NOS1: variants seen among roughly 807,000 people sequenced by gnomAD.
The protein encoded by NOS1 is NOS type I.
In NOS1, 51 loss-of-function variants were observed where a neutral mutation model predicts 164.5. That is an observed-to-expected ratio of 0.31 (90% CI 0.25 to 0.39). The LOEUF is 0.39. Among genes scored for constraint, NOS1 ranks in the 10% least tolerant of loss-of-function variants. The pLI is 1.00. For synonymous variants in NOS1, 719 were observed against 745.8 expected (o/e 0.96, Z 0.59); for missense variants, 1,362 against 1,885.6 (o/e 0.72, Z 5.14).
Position 117,211,764 on chromosome 12 carries a change from T to C in NOS1, c.*3545A>G. The C allele has an allele frequency of 1.0e-6, 1 of 985,382 alleles. No individual in the cohort carries two copies. The highest frequency in any genetic ancestry group is 1.2e-6 in the Non-Finnish European group (1 of 829,958). 61.0% of individuals were successfully genotyped at this position (985,382 alleles called of 1,614,324 possible). A position where few individuals can be genotyped will look rare whatever the true frequency, so the allele number is the denominator to read the frequency against. ...GTCAGTTCCAAGACGGGTGTCTCTC[T>C]CCATCAGATTATAACCTTTGGCTGG... On this transcript the variant is annotated 3_prime_UTR_variant, in exon 29 of 29. Transcript: ENST00000317775.
chr12:117,208,351 G>A lies in NOS1; in HGVS notation c.*6958C>T. 7.8e-7 allele frequency: 1 copy of A among 1,288,832 alleles called. No homozygotes were observed. The highest frequency in any genetic ancestry group is 1.0e-6 in the Non-Finnish European group (1 of 988,672). The allele number at this position is 1,288,832 out of a possible 1,614,324, so 79.8% of individuals were successfully genotyped here. A position where few individuals can be genotyped will look rare whatever the true frequency, so the allele number is the denominator to read the frequency against. ...ACACTTGGCAGAGATTAGCAGCATT[G>A]AGAGCTCAGAGGTAGGGGGGACGGC... is the stretch of plus-strand genomic sequence containing the variant. On this transcript the variant is annotated 3_prime_UTR_variant, in exon 29 of 29. Coordinates refer to ENST00000317775, the MANE Select transcript of NOS1 (RefSeq NM_000620.5).
chr12:117,276,465 TAG>T (rs1873191113), intron 9 of NOS1, among the ~76,000 whole-genome samples: 1 of 152,222 alleles, frequency 6.6e-6, no homozygotes, highest in African/African-American at 2.4e-5. Flanking sequence ...GTATTTTTAG[TAG>T]AGATAGGGTT....
At chr12:117,268,289 GGTGT>G in intron 10 of NOS1, 145 bp from the exon 11 acceptor site, 16 of 634,020 alleles carry the variant, frequency 2.5e-5, no homozygotes, top group Non-Finnish European at 4.2e-5. Context: ...GGAGTGCAGT[GGTGT>G]GATCTTGGCT....
intron 1 of NOS1, among the ~76,000 whole-genome samples, chr12:117,351,473 G>A (rs773764878): frequency 6.6e-6 from 1 of 152,152 alleles, no homozygotes; most frequent in Non-Finnish European, 1.5e-5. Context: ...TCCATAAGCT[G>A]CTCCTTAATT....
chr12:117,294,004 A>G (rs1375778455), intron 3 of NOS1, among the ~76,000 whole-genome samples: 3 of 152,190 alleles, frequency 2.0e-5, no homozygotes, highest in Non-Finnish European at 4.4e-5. Context: ...TGAAAGTCAC[A>G]TCTGGGCAGG....
chr12:117,217,932 T>C (rs1031640728), intron 28 of NOS1, 114 bp downstream of exon 28: 35 of 762,732 alleles, frequency 4.6e-5, no homozygotes, highest in Non-Finnish European at 7.0e-5. Context: ...TCCCAGATGG[T>C]GCTGATGCTG....
intron 3 of NOS1, among the ~76,000 whole-genome samples, chr12:117,300,913 G>C (rs1398056280): frequency 6.6e-6 from 1 of 152,148 alleles, no homozygotes; most frequent in Non-Finnish European, 1.5e-5. Flanking sequence ...CAGCCTCAAG[G>C]GAGCCGATGG....
intron 1 of NOS1, among the ~76,000 whole-genome samples, chr12:117,349,574 T>C (rs1015187238): frequency 6.6e-6 from 1 of 152,228 alleles, no homozygotes; most frequent in African/African-American, 2.4e-5. Flanking sequence ...AATTTTATAT[T>C]ACATGAATTT....
Position 117,227,438 on chromosome 12 carries a change from G to A in NOS1, c.3609C>T (p.Arg1203=). The change falls in exon 23 of 29, where the codon CGC becomes CGT. Residue 1203 remains arginine, a synonymous_variant. Transcript: ENST00000317775. ...VHLTVAIVSY[R]TRDGEGPIHH... is the part of the protein sequence containing the mutation. The stretch of plus-strand genomic sequence containing the variant: ...CCCAGTGCCTCCGCCCACCTCGAGT[G>A]CGGTAGGAAACGATGGCCACAGTGA... The A allele has an allele frequency of 1.2e-6, 2 of 1,613,888 alleles. No homozygotes were observed. The highest frequency in any genetic ancestry group is 1.7e-6 in the Non-Finnish European group (2 of 1,179,946).
chr12:117,254,938 C>T (rs1871329054), intron 16 of NOS1, among the ~76,000 whole-genome samples: 1 of 152,076 alleles, frequency 6.6e-6, no homozygotes, highest in Admixed American at 6.5e-5. Context: ...TAAATATGAA[C>T]AATGTTCAGC....
intron 7 of NOS1, 22 bp from the exon 8 acceptor site, chr12:117,280,888 AC>A: frequency 1.2e-6 from 2 of 1,611,614 alleles, no homozygotes; most frequent in Non-Finnish European, 1.7e-6. Context: ...AGAGGGGAAC[AC>A]CCGGCATCAG....
rs1451276089 is a variant in NOS1, at chr12:117,286,150, C to T, written c.1244G>A (p.Arg415Gln). The T allele has an allele frequency of 1.9e-6, 3 of 1,614,212 alleles. No individual in the cohort carries two copies. Among genetic ancestry groups the T allele is most frequent in the African/African-American group, 1.3e-5 (1 of 75,054 alleles). The change falls in exon 6 of 29, where the codon CGG (arginine) becomes CAG (glutamine). Residue 415 changes from arginine to glutamine, a missense_variant. By Grantham distance (43) the Arg-to-Gln change is conservative. Around this residue, in one of 4 missense-constraint regions of NOS1, gnomAD observed 129 missense variants for 186.0 expected, o/e 0.69. Transcript: ENST00000317775. ...CCTGCCCACACAGCGCGAGGCATTC[C>T]GCCAGGCGTGCTTGGCCCCATAGAT... is the stretch of plus-strand genomic sequence containing the variant. The part of the protein sequence containing the change: ...ELIYGAKHAW[R>Q]NASRCVGRIQ...
intron 20 of NOS1, among the ~76,000 whole-genome samples, chr12:117,242,100 G>A (rs1460512910): frequency 6.6e-6 from 1 of 152,200 alleles, no homozygotes; most frequent in Non-Finnish European, 1.5e-5. Flanking sequence ...AGGAAGACAT[G>A]CTTTGGTTAC....
intron 2 of NOS1, among the ~76,000 whole-genome samples, chr12:117,323,766 C>G (rs1022445437): frequency 1.3e-5 from 2 of 152,080 alleles, no homozygotes; most frequent in South Asian, 2.1e-4. Context: ...TGCCTAGTGT[C>G]CCTTTAATTT....
intron 20 of NOS1, among the ~76,000 whole-genome samples, chr12:117,238,089 G>A (rs1309329075): frequency 1.3e-5 from 2 of 152,160 alleles, no homozygotes; most frequent in African/African-American, 4.8e-5. Context: ...GAAGGCTGGA[G>A]TGTTTGTTTG....
chr12:117,351,053 G>T (rs1316314695), intron 1 of NOS1, among the ~76,000 whole-genome samples: 2 of 152,164 alleles, frequency 1.3e-5, no homozygotes, highest in East Asian at 3.9e-4. Context: ...GGCGGAGCTT[G>T]CAGTGAGCCG....
chr12:117,295,055 C>T (rs1298482494), intron 3 of NOS1, among the ~76,000 whole-genome samples: 2 of 152,182 alleles, frequency 1.3e-5, no homozygotes, highest in South Asian at 2.1e-4. Flanking sequence ...GCTCTGATTC[C>T]TTTTCCCCTC....
chr12:117,258,360 G>A (rs777049228), intron 16 of NOS1, 37 bp downstream of exon 16: 1 of 1,607,392 alleles, frequency 6.2e-7, no homozygotes, highest in African/African-American at 1.3e-5. Flanking sequence ...GTTACCCTCG[G>A]GGGTGGCGGG....
At chr12:117,266,078 T>C (rs1037826403) in intron 11 of NOS1, among the ~76,000 whole-genome samples, 4 of 151,918 alleles carry the variant, frequency 2.6e-5, no homozygotes, top group African/African-American at 9.7e-5. Flanking sequence ...GGATTACAGG[T>C]GTGAGCCACC....
Sources: gnomAD v4.1 joint callset for allele counts (sites outside exome capture counted in the v4.1 genomes callset) on GRCh38, gnomAD v4.1.1 for gene constraint, gnomAD v4.1.1 regional missense constraint, MANE v1.5 for transcripts, NCBI Gene and HGNC (gene_info 2026-07-23, HGNC 2026-07-21) for gene names.